PIP5K1A: variants seen among roughly 807,000 people sequenced by gnomAD.
PIP5K1A encodes the protein phosphatidylinositol 4-phosphate 5-kinase type-1 alpha.
A neutral mutation model predicts 72.9 loss-of-function variants in PIP5K1A; 46 were observed. The observed-to-expected ratio is 0.63, with a 90% confidence interval of 0.50 to 0.81. The LOEUF is 0.81. Among genes scored for constraint, PIP5K1A ranks in the 30% least tolerant of loss-of-function variants. PIP5K1A has a pLI of 0.00. For synonymous variants in PIP5K1A, 228 were observed against 255.1 expected, an observed-to-expected ratio of 0.89 and a Z score of 1.01; for missense variants, 458 against 706.1, an observed-to-expected ratio of 0.65 and a Z score of 3.98.
chr1:151,235,438 G>A (rs1299089990), intron 8 of PIP5K1A, among the ~76,000 whole-genome samples: 2 of 152,152 alleles, frequency 1.3e-5, no homozygotes, highest in Non-Finnish European at 2.9e-5. Context: ...TCCCACTGTT[G>A]CACATATTAA....
At chr1:151,202,777 C>A (rs1317528450) in intron 1 of PIP5K1A, among the ~76,000 whole-genome samples, 1 of 129,192 alleles carries the variant, frequency 7.7e-6, no homozygotes, top group Admixed American at 8.1e-5. Flanking sequence ...CCAGTAAAGT[C>A]TTTTTTTTTT....
Position 151,198,843 on chromosome 1 carries a change from G to C in PIP5K1A, c.-154G>C. 1.4e-6 allele frequency: 1 copy of C among 725,160 alleles called. No homozygotes were observed. The highest frequency in any genetic ancestry group is 2.4e-5 in the East Asian group (1 of 40,890). The allele number at this position is 725,160 out of a possible 1,614,324, so 44.9% of individuals were successfully genotyped here. A position where few individuals can be genotyped will look rare whatever the true frequency, so the allele number is the denominator to read the frequency against. ...GTGGCCTTGAGCTGGTCCAGGAGCC[G>C]GCTCGACGTGTCTGAGGGAGGCCCC... On this transcript the variant is annotated 5_prime_UTR_variant, in exon 1 of 16. Coordinates refer to ENST00000368888, the MANE Select transcript of PIP5K1A (RefSeq NM_001135638.2).
At chr1:151,201,133 C>G (rs1367732611) in intron 1 of PIP5K1A, among the ~76,000 whole-genome samples, 3 of 152,184 alleles carry the variant, frequency 2.0e-5, no homozygotes, top group Non-Finnish European at 2.9e-5. Flanking sequence ...CGTGCCCCAC[C>G]TGGGTTTTTA....
chr1:151,243,739 T>A (rs1692089467), intron 14 of PIP5K1A, among the ~76,000 whole-genome samples: 1 of 152,194 alleles, frequency 6.6e-6, no homozygotes, highest in South Asian at 2.1e-4. Flanking sequence ...GTCTCTATTT[T>A]GTACTGTTTC....
chr1:151,244,229 T>C (rs1305817405), intron 14 of PIP5K1A, among the ~76,000 whole-genome samples: 1 of 151,978 alleles, frequency 6.6e-6, no homozygotes, highest in Non-Finnish European at 1.5e-5. Context: ...TGATATGTAC[T>C]GTACAGTTAG....
In PIP5K1A at chr1:151,242,465, T is replaced by G; in HGVS notation, c.1538T>G (p.Leu513Ter). 6.2e-7 allele frequency: 1 copy of G among 1,614,074 alleles called. No individual in the cohort carries two copies. Among genetic ancestry groups the G allele is most frequent in the Non-Finnish European group, 8.5e-7 (1 of 1,179,922 alleles). ...PGVHLGRPDV[L>*]PQTPPLEEIS... ...GTTCACCTTGGTCGTCCTGATGTTTTACCTCAGACTCCACCTTTGGAGGAA... is the reference window on the plus strand; with the variant it reads ...GTTCACCTTGGTCGTCCTGATGTTTGACCTCAGACTCCACCTTTGGAGGAA... Residue 513 changes from leucine (L) to a stop codon, truncating the protein, a stop_gained, in exon 14 of 16, where the codon TTA becomes TGA. Transcript: ENST00000368888. LOFTEE classifies it high-confidence loss of function.
chr1:151,219,327 G>C, intron 1 of PIP5K1A, among the ~76,000 whole-genome samples: 1 of 148,460 alleles, frequency 6.7e-6, no homozygotes, highest in East Asian at 2.0e-4. Flanking sequence ...GTTGCAGTGA[G>C]CCGACATCGT....
At chr1:151,208,434 C>G (rs587750369) in intron 1 of PIP5K1A, among the ~76,000 whole-genome samples, 1 of 144,848 alleles carries the variant, frequency 6.9e-6, no homozygotes, top group Admixed American at 7.2e-5. Flanking sequence ...AATCTTGGGT[C>G]ACTGCAAGCT....
chr1:151,218,702 C>T (rs1050862301), intron 1 of PIP5K1A, among the ~76,000 whole-genome samples: 3 of 151,768 alleles, frequency 2.0e-5, no homozygotes, highest in African/African-American at 4.8e-5. Flanking sequence ...GGTGTGGTGG[C>T]GTGCACCTGT....
chr1:151,222,136 G>A (rs587596008), intron 1 of PIP5K1A, among the ~76,000 whole-genome samples: 10 of 152,248 alleles, frequency 6.6e-5, no homozygotes, highest in East Asian at 1.9e-4. Context: ...ATATAGATAC[G>A]ATATTTTTCT....
intron 1 of PIP5K1A, among the ~76,000 whole-genome samples, chr1:151,208,929 T>C (rs1388011829): frequency 2.0e-5 from 3 of 151,338 alleles, no homozygotes; most frequent in Middle Eastern, 3.4e-3. Flanking sequence ...TGGGGGTGTT[T>C]CACCGTGTTA....
chr1:151,207,230 G>A (rs1248721172), intron 1 of PIP5K1A, among the ~76,000 whole-genome samples: 1 of 152,144 alleles, frequency 6.6e-6, no homozygotes, highest in East Asian at 1.9e-4. Flanking sequence ...AACCAGATTT[G>A]GAAATAAAAT....
At chr1:151,211,128 G>T (rs191566097) in intron 1 of PIP5K1A, among the ~76,000 whole-genome samples, 1 of 152,304 alleles carries the variant, frequency 6.6e-6, no homozygotes, top group African/African-American at 2.4e-5. Context: ...CTCTGAAAGT[G>T]CAGGGAGAGG....
At chr1:151,203,547 C>G (rs1469969394) in intron 1 of PIP5K1A, among the ~76,000 whole-genome samples, 7 of 149,654 alleles carry the variant, frequency 4.7e-5, no homozygotes, top group Middle Eastern at 7.2e-3. Context: ...AAAAAAAGGC[C>G]AGGAGCAGTA....
chr1:151,226,713 CA>C lies in PIP5K1A; in HGVS notation c.157-591del, dbSNP rs112650908. ...AGGCGACACAAGCGAAACTCTGTCT[CA>C]AAAAAAAAAAAAAAAGTACTCTTAT... On this transcript the variant is annotated intron_variant, in intron 3 of 15. Transcript: ENST00000368888. Among the ~76,000 whole-genome samples the C allele has an allele frequency of 6.0e-3, 747 of 124,774 alleles. 4 individuals carry two copies. Among genetic ancestry groups the C allele is most frequent in the African/African-American group, 0.018 (582 of 32,400 alleles). The allele number at this position is 124,774 out of a possible 152,430, so 81.9% of individuals were successfully genotyped here.
rs758490984 is a variant in PIP5K1A at position 151,242,559 on chromosome 1, A to G, written c.1632A>G (p.Leu544=). ...TAGTTGGAGAGACTTTGCAAATGCT[A>G]ACTACAAGGTTGGTTTATTGGCCCC... ...SPLVGETLQM[L]TTSTTLEKLE... The change falls in exon 14 of 16, where the codon CTA becomes CTG. Residue 544 remains leucine, a synonymous_variant. Transcript: ENST00000368888. 3.7e-6 allele frequency: 6 copies of G among 1,613,896 alleles called. No homozygotes were observed. The Admixed American group carries it at 8.3e-5, about 22-fold the overall frequency.
chr1:151,208,719 C>CTTTTTTTTTTTTTTT lies in PIP5K1A; in HGVS notation c.85+9654_85+9668dup, dbSNP rs61545057. Among the ~76,000 whole-genome samples, 4 of 43,122 alleles carry CTTTTTTTTTTTTTTT rather than the reference C, an allele frequency of 9.3e-5. 1 individual carries two copies. The highest frequency in any genetic ancestry group is 1.3e-4 in the Non-Finnish European group (3 of 23,042). 28.3% of individuals were successfully genotyped at this position (43,122 alleles called of 152,430 possible). On this transcript the variant is annotated intron_variant, in intron 1 of 15. Coordinates refer to ENST00000368888, the MANE Select transcript of PIP5K1A (RefSeq NM_001135638.2). Reference sequence around the variant, plus strand: ...TTATTAAGGATGTTGTAATGGTACGCTTTTTTTTTTTTTTTTTTTTTTTTT... The same window carrying CTTTTTTTTTTTTTTT: ...TTATTAAGGATGTTGTAATGGTACGCTTTTTTTTTTTTTTTTTTTTTTTTTTTTTTTTTTTTTTTT...
At chr1:151,229,476 C>G (rs1689711127) in intron 4 of PIP5K1A, among the ~76,000 whole-genome samples, 1 of 151,404 alleles carries the variant, frequency 6.6e-6, no homozygotes, top group African/African-American at 2.4e-5. Context: ...ATTCTCCTGC[C>G]TCAGTCTCCC....
chr1:151,222,178 G>A (rs1268969144), intron 1 of PIP5K1A, among the ~76,000 whole-genome samples: 1 of 152,188 alleles, frequency 6.6e-6, no homozygotes, highest in African/African-American at 2.4e-5. Context: ...GATCTCTGAT[G>A]TGTGCCATAG....
Sources: gnomAD v4.1 joint callset for allele counts (sites outside exome capture counted in the v4.1 genomes callset) on GRCh38, gnomAD v4.1.1 for gene constraint, MANE v1.5 for transcripts, NCBI Gene and HGNC (gene_info 2026-07-23, HGNC 2026-07-21) for gene names.